Variants in TRIO observed in about 807,000 individuals in gnomAD.
TRIO encodes the protein triple functional domain protein.
In TRIO, 58 loss-of-function variants were observed where a neutral mutation model predicts 351.9. The observed-to-expected ratio is 0.16, with a 90% CI of 0.13 to 0.21. The LOEUF is 0.21. TRIO is among the 10% of genes least tolerant of loss of function. The pLI is 1.00. For missense variants in TRIO, 3,201 were observed against 4,027.8 expected (o/e 0.79, Z 5.56); for synonymous variants, 1,758 against 1,595.7 (o/e 1.10, Z -2.42).
intron 1 of TRIO, among the ~76,000 whole-genome samples, chr5:14,146,565 T>C (rs563464225): frequency 6.6e-6 from 1 of 152,386 alleles, no homozygotes; most frequent in African/African-American, 2.4e-5. Context: ...ATAGAACTTT[T>C]AAACAATTAA....
intron 1 of TRIO, among the ~76,000 whole-genome samples, chr5:14,196,721 A>G (rs1381721436): frequency 6.6e-6 from 1 of 152,236 alleles, no homozygotes; most frequent in African/African-American, 2.4e-5. Context: ...CACAGAGTTA[A>G]TTGAGCAGAT....
intron 1 of TRIO, among the ~76,000 whole-genome samples, chr5:14,162,726 T>C (rs1479805547): frequency 6.6e-6 from 1 of 152,218 alleles, no homozygotes; most frequent in Non-Finnish European, 1.5e-5. Context: ...TTGCAAGTAT[T>C]ATATGATCAT....
chr5:14,151,133 G>A (rs1165616849), intron 1 of TRIO, among the ~76,000 whole-genome samples: 1 of 152,160 alleles, frequency 6.6e-6, no homozygotes, highest in African/African-American at 2.4e-5. Flanking sequence ...GTTCCTACAT[G>A]AGTAACTATA....
At chr5:14,198,933 T>C (rs1241153485) in intron 1 of TRIO, among the ~76,000 whole-genome samples, 1 of 151,932 alleles carries the variant, frequency 6.6e-6, no homozygotes, top group Non-Finnish European at 1.5e-5. Context: ...AATGGAAAAA[T>C]CTTATCTTAA....
chr5:14,340,145 A>C (rs2152322177), intron 11 of TRIO, among the ~76,000 whole-genome samples: 1 of 152,310 alleles, frequency 6.6e-6, no homozygotes, highest in African/African-American at 2.4e-5. Context: ...CTGTAATCCC[A>C]GCACTTTGGG....
At position 14,482,849 on chromosome 5, in the gene TRIO, G is replaced by A; in HGVS notation, c.6657+76G>A. The A allele has an allele frequency of 3.1e-6, 4 of 1,302,592 alleles. 1 individual carries two copies. Among genetic ancestry groups the A allele is most frequent in the Middle Eastern group, 5.9e-4 (2 of 3,400 alleles). 80.7% of individuals were successfully genotyped at this position (1,302,592 alleles called of 1,614,324 possible). On this transcript the variant is annotated intron_variant, in intron 46 of 56. Coordinates refer to ENST00000344204, the MANE Select transcript of TRIO (RefSeq NM_007118.4). ...CACCGATACACTGTTTCCTTTTAAT[G>A]ATGACATACCCTGATGCTTCGTTTA...
rs994340578 is a variant in TRIO at position 14,492,583 on chromosome 5, G to T, written c.7649G>T (p.Ser2550Ile). 2 of 1,614,150 alleles carry T rather than the reference G, an allele frequency of 1.2e-6. No homozygotes were observed. Among genetic ancestry groups the T allele is most frequent in the Non-Finnish European group, 1.7e-6 (2 of 1,180,026 alleles). ...CCTCTGCAGAGTGAAAGCAGCAGCA[G>T]TAGCAACATCTCCACCATGTTGGTG... ...TQSNGSESSSSSNISTMLVTH... is the reference protein window; with the variant it reads ...TQSNGSESSSISNISTMLVTH... Residue 2550 changes from serine (S) to isoleucine (I), a missense_variant, in exon 49 of 57, where the codon AGT becomes ATT. Transcript: ENST00000344204.
chr5:14,201,474 T>G (rs1163098715), intron 1 of TRIO, among the ~76,000 whole-genome samples: 1 of 152,208 alleles, frequency 6.6e-6, no homozygotes, highest in Middle Eastern at 3.2e-3. Context: ...GCATTTTTAG[T>G]GAAATGCTTT....
intron 6 of TRIO, 118 bp downstream of exon 6, chr5:14,293,252 G>A: frequency 7.2e-7 from 1 of 1,395,726 alleles, no homozygotes; most frequent in Non-Finnish European, 9.8e-7. Context: ...GTTGATTGTA[G>A]CAGCTGACCT....
chr5:14,403,738 G>T (rs866533384), intron 31 of TRIO, among the ~76,000 whole-genome samples: 41 of 121,234 alleles, frequency 3.4e-4, no homozygotes, highest in East Asian at 1.3e-3. Flanking sequence ...GGGTGCAGGT[G>T]GTGGTGAGGG....
chr5:14,230,340 T>TTGTGTGTGTG (rs59717445), intron 1 of TRIO, among the ~76,000 whole-genome samples: 1,520 of 149,094 alleles, frequency 0.01, 25 homozygotes, highest in African/African-American at 0.037. Context: ...GGCAAGATGT[T>TTGTGTGTGTG]TGTGTGTGTG....
intron 34 of TRIO, among the ~76,000 whole-genome samples, chr5:14,430,585 C>T (rs1053305233): frequency 6.6e-6 from 1 of 152,174 alleles, no homozygotes; most frequent in Non-Finnish European, 1.5e-5. Context: ...CAAGGCTGGG[C>T]TGTTGATGGC....
intron 1 of TRIO, among the ~76,000 whole-genome samples, chr5:14,169,747 G>A (rs32592): frequency 0.67 from 102,623 of 152,068 alleles, 36,320 homozygotes; most frequent in African/African-American, 0.9. Flanking sequence ...ACCCACTGAT[G>A]GATTCAAATC....
At chr5:14,347,037 G>A (rs2152327259) in intron 11 of TRIO, among the ~76,000 whole-genome samples, 1 of 151,350 alleles carries the variant, frequency 6.6e-6, no homozygotes, top group South Asian at 2.1e-4. Flanking sequence ...ATCTCAGGTG[G>A]ACCTGAGGTC....
intron 34 of TRIO, among the ~76,000 whole-genome samples, chr5:14,443,538 G>T (rs962112412): frequency 1.3e-5 from 2 of 152,206 alleles, no homozygotes; most frequent in Non-Finnish European, 2.9e-5. Context: ...TAACTTTACA[G>T]TGCCCATGAA....
intron 55 of TRIO, among the ~76,000 whole-genome samples, chr5:14,506,864 G>A (rs1040497523): frequency 6.6e-6 from 1 of 152,190 alleles, no homozygotes; most frequent in Non-Finnish European, 1.5e-5. Context: ...CGCAACAGGC[G>A]GGTTTGGACC....
intron 33 of TRIO, among the ~76,000 whole-genome samples, chr5:14,419,013 G>A (rs578041003): frequency 4.6e-5 from 7 of 152,218 alleles, no homozygotes; most frequent in South Asian, 2.1e-4. Context: ...TTGAAGGACC[G>A]GAAGAGTTTC....
intron 25 of TRIO, 48 bp from the exon 26 acceptor site, chr5:14,390,183 A>G: frequency 6.3e-7 from 1 of 1,575,268 alleles, no homozygotes; most frequent in Non-Finnish European, 8.7e-7. Context: ...CACTAGTAAA[A>G]TGTTTTAAAA....
intron 1 of TRIO, among the ~76,000 whole-genome samples, chr5:14,266,382 A>G (rs1297619650): frequency 6.6e-6 from 1 of 151,880 alleles, no homozygotes; most frequent in Non-Finnish European, 1.5e-5. Context: ...GCCTGGCCCT[A>G]TCTTAGGTAT....
Sources: gnomAD v4.1 joint callset for allele counts (sites outside exome capture counted in the v4.1 genomes callset) on GRCh38, gnomAD v4.1.1 for gene constraint, MANE v1.5 for transcripts, NCBI Gene and HGNC (gene_info 2026-07-23, HGNC 2026-07-21) for gene names.